The following P2RY8 variants were observed in gnomAD, a reference collection of about 807,000 sequenced individuals.
P2RY8 encodes the protein S-geranylgeranyl-glutathione receptor P2RY8.
Under a neutral mutation model 10.0 loss-of-function variants are expected in P2RY8, and 6 were observed. The ratio of observed to expected loss-of-function variants is 0.60; its 90% CI spans 0.33 to 1.19. P2RY8 has a LOEUF of 1.19. Ranked by LOEUF, P2RY8 falls within the 50% of genes most tolerant of loss-of-function variation. P2RY8 has a pLI of 0.04. For synonymous variants in P2RY8, 276 were observed against 252.5 expected (o/e 1.09, Z -0.88); for missense variants, 456 against 542.0 (o/e 0.84, Z 1.58).
intron 1 of P2RY8, among the ~76,000 whole-genome samples, chrX:1,501,021 T>C (rs1348584468): frequency 2.6e-5 from 4 of 152,292 alleles, no homozygotes; most frequent in African/African-American, 9.6e-5. Flanking sequence ...CTCGGTTCTG[T>C]CCTGGGAGAG....
At chrX:1,512,076 GGGGTCTCCTGTCCA>G (rs1172190452) in intron 1 of P2RY8, among the ~76,000 whole-genome samples, 1 of 152,080 alleles carries the variant, frequency 6.6e-6, no homozygotes, top group Non-Finnish European at 1.5e-5. Flanking sequence ...GGCTGGCGGG[GGGGTCTCCTGTCCA>G]GGGTCTCCTG....
At chrX:1,505,785 G>A (rs1228614625) in intron 1 of P2RY8, among the ~76,000 whole-genome samples, 4 of 151,976 alleles carry the variant, frequency 2.6e-5, no homozygotes, top group Admixed American at 6.6e-5. Context: ...GCAAGACTGC[G>A]TCTCAAAAAC....
intron 1 of P2RY8, among the ~76,000 whole-genome samples, chrX:1,504,812 C>A (rs1382120654): frequency 6.6e-6 from 1 of 151,848 alleles, no homozygotes; most frequent in Admixed American, 6.6e-5. Flanking sequence ...CATGCTGAAA[C>A]CCTGTCTCTA....
chrX:1,516,547 A>C (rs1883675200), intron 1 of P2RY8, among the ~76,000 whole-genome samples: 1 of 150,784 alleles, frequency 6.6e-6, no homozygotes, highest in Non-Finnish European at 1.5e-5. Flanking sequence ...GGACACAGAC[A>C]CACACAGAGG....
chrX:1,524,458 C>T (rs776149570), intron 1 of P2RY8, among the ~76,000 whole-genome samples: 15 of 138,342 alleles, frequency 1.1e-4, no homozygotes, highest in Non-Finnish European at 4.7e-5. Context: ...TCTATCCATC[C>T]ATCCATCCAT....
chrX:1,494,467 G>C (rs768906877), intron 1 of P2RY8: 2 of 152,094 alleles, frequency 1.3e-5, no homozygotes, highest in Non-Finnish European at 2.9e-5. Flanking sequence ...CCCAGGGAGC[G>C]AGGTCAGGTA....
Position 1,466,597 on chromosome X carries a change from G to C in P2RY8, c.-24-15C>G. ...TCGCCCGGGCTCTGCAAGGGAAGGA[G>C]GGAAGGGTGTACGGGTCAGGGGCGC... On this transcript the variant is annotated splice_polypyrimidine_tract_variant and intron_variant, in intron 1 of 1. Transcript: ENST00000381297. The C allele has an allele frequency of 6.3e-7, 1 of 1,580,000 alleles. No individual in the cohort carries two copies. The highest frequency in any genetic ancestry group is 8.6e-7 in the Non-Finnish European group (1 of 1,167,568).
intron 1 of P2RY8, among the ~76,000 whole-genome samples, chrX:1,514,179 TC>T (rs2092321195): frequency 6.6e-6 from 1 of 152,070 alleles, no homozygotes; most frequent in Admixed American, 6.6e-5. Context: ...ATGGATTATC[TC>T]CCCACATCCA....
chrX:1,495,747 T>A (rs2092110583), intron 1 of P2RY8, among the ~76,000 whole-genome samples: 1 of 113,086 alleles, frequency 8.8e-6, no homozygotes, highest in Non-Finnish European at 2.1e-5. Context: ...GAGAGAGGCC[T>A]CAGGAGGAAC....
intron 1 of P2RY8, among the ~76,000 whole-genome samples, chrX:1,515,950 G>T (rs1385054670): frequency 2.3e-5 from 2 of 88,812 alleles, no homozygotes; most frequent in Non-Finnish European, 5.7e-5. Flanking sequence ...GAGGGGTCGG[G>T]GGGTGGTGGA....
intron 1 of P2RY8, among the ~76,000 whole-genome samples, chrX:1,535,716 G>GACACAC (rs770470429): frequency 1.6e-4 from 23 of 146,302 alleles, no homozygotes; most frequent in African/African-American, 5.6e-4. Context: ...CACACACACA[G>GACACAC]ACACACACAC....
At chrX:1,496,729 ACT>A (rs1484552661) in intron 1 of P2RY8, among the ~76,000 whole-genome samples, 1 of 144,504 alleles carries the variant, frequency 6.9e-6, no homozygotes. Flanking sequence ...ATGGAGTCTC[ACT>A]CTGTCTCCCA....
intron 1 of P2RY8, among the ~76,000 whole-genome samples, chrX:1,530,973 A>T (rs1309151954): frequency 6.6e-6 from 1 of 151,940 alleles, no homozygotes; most frequent in Non-Finnish European, 1.5e-5. Context: ...CCATGTATGT[A>T]TGTATGTATG....
chrX:1,515,686 A>G (rs1372143809), intron 1 of P2RY8, among the ~76,000 whole-genome samples: 1 of 151,594 alleles, frequency 6.6e-6, no homozygotes, highest in African/African-American at 2.4e-5. Context: ...GGATATTTTC[A>G]TCACCCCAAA....
At chrX:1,530,013 A>T (rs1227209243) in intron 1 of P2RY8, among the ~76,000 whole-genome samples, 2 of 151,858 alleles carry the variant, frequency 1.3e-5, no homozygotes, top group Non-Finnish European at 2.9e-5. Context: ...CCGGCCCCAA[A>T]TGTCTATAGT....
chrX:1,512,836 AATTATTATT>A (rs367543446), intron 1 of P2RY8, among the ~76,000 whole-genome samples: 6 of 150,652 alleles, frequency 4.0e-5, no homozygotes, highest in Non-Finnish European at 5.9e-5. Flanking sequence ...CACATGTGGA[AATTATTATT>A]ATTATTATTA....
At chrX:1,536,156 GA>G (rs1360854306) in intron 1 of P2RY8, among the ~76,000 whole-genome samples, 1 of 152,076 alleles carries the variant, frequency 6.6e-6, no homozygotes, top group African/African-American at 2.4e-5. Context: ...TGCAAACATT[GA>G]AAAAACTGCA....
intron 1 of P2RY8, among the ~76,000 whole-genome samples, chrX:1,504,202 G>A (rs1201853300): frequency 6.6e-6 from 1 of 151,784 alleles, no homozygotes; most frequent in South Asian, 2.1e-4. Flanking sequence ...TGTAGTCCCA[G>A]CTACTCGGGA....
chrX:1,526,421 T>C (rs5948938), intron 1 of P2RY8, among the ~76,000 whole-genome samples: 122,355 of 148,094 alleles, frequency 0.83, 50,521 homozygotes, highest in East Asian at 0.97. Flanking sequence ...ATGCATCCAT[T>C]CATTCATTCA....
Sources: allele counts gnomAD v4.1 joint callset (sites outside exome capture counted in the v4.1 genomes callset), GRCh38; gene constraint gnomAD v4.1.1; transcripts MANE v1.5; gene names NCBI Gene and HGNC (gene_info 2026-07-23, HGNC 2026-07-21).